The following MYH9 variants were observed in gnomAD, a reference collection of about 807,000 sequenced individuals.
MYH9 encodes myosin heavy chain 9.
In MYH9, 29 loss-of-function variants were observed where a neutral mutation model predicts 241.9. That is an observed-to-expected ratio of 0.12 (90% CI 0.09 to 0.16). MYH9 has a LOEUF of 0.16. Ranked by LOEUF, MYH9 falls within the 10% of genes least tolerant of loss-of-function variation. The probability of loss-of-function intolerance (pLI) is 1.00; values close to 1 mark genes in which losing one functional copy is unlikely to be tolerated. For synonymous variants in MYH9, 1,047 were observed against 1,062.6 expected (o/e 0.99, Z 0.29); for missense variants, 1,803 against 2,595.5 (o/e 0.69, Z 6.63).
intron 1 of MYH9, among the ~76,000 whole-genome samples, chr22:36,386,728 C>A (rs879927594): frequency 2.4e-4 from 36 of 152,192 alleles, no homozygotes; most frequent in Non-Finnish European, 5.1e-4. Flanking sequence ...ACAGGACAGC[C>A]GGCAAGCTAG....
At position 36,301,388 on chromosome 22, in the gene MYH9, G is replaced by A. The variant is rs147240819; in HGVS notation, c.2631+146C>T. ...ACCCAATGGGGTCTGCAGAGAGACT[G>A]GTCACTGTTTACAGTAATAGGAAAC... On this transcript the variant is annotated intron_variant, in intron 21 of 40. Coordinates refer to ENST00000216181, the MANE Select transcript of MYH9 (RefSeq NM_002473.6). The A allele has an allele frequency of 3.2e-5, 34 of 1,076,440 alleles. No individual in the cohort carries two copies. The African/African-American group carries it at 4.6e-4, about 15-fold the overall frequency. The allele number at this position is 1,076,440 out of a possible 1,614,324, so 66.7% of individuals were successfully genotyped here.
At chr22:36,331,257 T>C (rs533468297) in intron 3 of MYH9, among the ~76,000 whole-genome samples, 2 of 152,288 alleles carry the variant, frequency 1.3e-5, no homozygotes, top group East Asian at 3.9e-4. Flanking sequence ...GTGAGGCAGA[T>C]GCCCAGACAT....
chr22:36,305,914 C>T lies in MYH9; in HGVS notation c.2159+16G>A, dbSNP rs1313314736. The T allele has an allele frequency of 1.9e-6, 3 of 1,612,690 alleles. No homozygotes were observed. Among genetic ancestry groups the T allele is most frequent in the Middle Eastern group, 3.3e-4 (2 of 6,048 alleles). On this transcript the variant is annotated intron_variant, in intron 17 of 40. Coordinates refer to ENST00000216181, the MANE Select transcript of MYH9 (RefSeq NM_002473.6). This position sits in a 1 kb window ranked among gnomAD's most constrained non-coding sequence, Gnocchi z 4.7. ...CAGCAGGGCCCAGGAGAAGCGGGCT[C>T]CGGGCCCTGGCTCACCTCTGCCGAA...
intron 1 of MYH9, among the ~76,000 whole-genome samples, chr22:36,360,025 G>A (rs1056233179): frequency 8.9e-5 from 8 of 89,702 alleles, no homozygotes; most frequent in Admixed American, 1.2e-4. Flanking sequence ...TTAGAATGAG[G>A]ACAAACACCA....
At chr22:36,327,548 TC>T in intron 3 of MYH9, 60 bp from the exon 4 acceptor site, 1 of 1,601,968 alleles carries the variant, frequency 6.2e-7, no homozygotes, top group Non-Finnish European at 8.6e-7. Context: ...CCCACCTTGC[TC>T]CCAAAGAGCT....
chr22:36,367,316 G>A (rs754693550), intron 1 of MYH9, among the ~76,000 whole-genome samples: 54 of 152,222 alleles, frequency 3.5e-4, no homozygotes, highest in South Asian at 8.3e-4. Context: ...GGGGTGCCCT[G>A]GACTCCAGGA....
At chr22:36,334,584 G>A (rs554940882) in intron 3 of MYH9, among the ~76,000 whole-genome samples, 4 of 152,282 alleles carry the variant, frequency 2.6e-5, no homozygotes, top group East Asian at 3.9e-4. Context: ...CTGGACTCTC[G>A]GGAGAGTGTT....
chr22:36,314,961 T>C (rs980998233), intron 12 of MYH9, among the ~76,000 whole-genome samples: 2 of 152,180 alleles, frequency 1.3e-5, no homozygotes, highest in African/African-American at 4.8e-5. Context: ...TCTATTTTTT[T>C]ATTGAAGAGA....
intron 18 of MYH9, 146 bp from the exon 19 acceptor site, chr22:36,304,301 C>T: frequency 2.4e-6 from 2 of 831,270 alleles, no homozygotes; most frequent in South Asian, 2.9e-5. Flanking sequence ...CATCTCCTCT[C>T]CCTCCTTCTT....
intron 3 of MYH9, among the ~76,000 whole-genome samples, chr22:36,340,761 C>T (rs2017574046): frequency 6.6e-6 from 1 of 152,010 alleles, no homozygotes; most frequent in Admixed American, 6.6e-5. Context: ...TAGCAACACA[C>T]AGGTCATACA....
At chr22:36,338,774 C>T (rs1293960000) in intron 3 of MYH9, among the ~76,000 whole-genome samples, 1 of 150,446 alleles carries the variant, frequency 6.6e-6, no homozygotes, top group African/African-American at 2.5e-5. Context: ...GAGCCGAGAT[C>T]GTGCCACTGC....
chr22:36,375,955 CTTTTTTTTTT>C (rs751350180), intron 1 of MYH9, among the ~76,000 whole-genome samples: 1 of 89,094 alleles, frequency 1.1e-5, no homozygotes, highest in South Asian at 4.1e-4. Context: ...TCAATAATTT[CTTTTTTTTTT>C]TTTTTTTTTT....
chr22:36,361,714 G>A (rs1014890910), intron 1 of MYH9, among the ~76,000 whole-genome samples: 1 of 152,190 alleles, frequency 6.6e-6, no homozygotes, highest in Admixed American at 6.5e-5. Context: ...AGCCATTTAG[G>A]AATGTGGACT....
At chr22:36,292,764 C>T (rs1038901749) in intron 30 of MYH9, among the ~76,000 whole-genome samples, 4 of 152,236 alleles carry the variant, frequency 2.6e-5, no homozygotes, top group African/African-American at 9.6e-5. Context: ...GGCTACGGAC[C>T]CCTTCGCAGT....
At chr22:36,319,708 T>A in intron 9 of MYH9, 73 bp from the exon 10 acceptor site, 1 of 1,434,950 alleles carries the variant, frequency 7.0e-7, no homozygotes, top group East Asian at 2.4e-5. Context: ...GGGCCACTCA[T>A]CTAGGGATCC....
Position 36,384,624 on chromosome 22 carries a change from A to G in MYH9, c.-20+3183T>C, listed in dbSNP as rs1353937290. On this transcript the variant is annotated intron_variant, in intron 1 of 40. Coordinates refer to ENST00000216181, the MANE Select transcript of MYH9 (RefSeq NM_002473.6). ...AAAAAAAAAAAAAATATATATATAT[A>G]TATATATATATATATATATATATAT... 6.1e-4 allele frequency among the ~76,000 whole-genome samples: 28 copies of G among 45,688 alleles called. 1 individual carries two copies. Among genetic ancestry groups the G allele is most frequent in the African/African-American group, 1.6e-3 (28 of 17,274 alleles). 30.0% of individuals were successfully genotyped at this position (45,688 alleles called of 152,430 possible). A position where few individuals can be genotyped will look rare whatever the true frequency, so the allele number is the denominator to read the frequency against.
chr22:36,287,472 A>C (rs2016605445), intron 34 of MYH9, among the ~76,000 whole-genome samples: 2 of 151,750 alleles, frequency 1.3e-5, no homozygotes, highest in Non-Finnish European at 2.9e-5. Context: ...GGCCGGGCGC[A>C]GTGGCTCATG....
At chr22:36,287,766 G>C (rs1170421640) in intron 34 of MYH9, among the ~76,000 whole-genome samples, 2 of 152,224 alleles carry the variant, frequency 1.3e-5, no homozygotes, top group African/African-American at 4.8e-5. Flanking sequence ...AAAAAAATTT[G>C]TTAAACTAAG....
At chr22:36,324,826 C>T (rs1473317068) in intron 5 of MYH9, among the ~76,000 whole-genome samples, 3 of 152,224 alleles carry the variant, frequency 2.0e-5, no homozygotes, top group Non-Finnish European at 4.4e-5. Flanking sequence ...CCAAAGTCTG[C>T]GTTTTGACAA....
Sources: gnomAD v4.1 joint callset for allele counts (sites outside exome capture counted in the v4.1 genomes callset) on GRCh38, gnomAD v4.1.1 for gene constraint, Gnocchi (gnomAD v3.1) non-coding constraint, MANE v1.5 for transcripts, NCBI Gene and HGNC (gene_info 2026-07-23, HGNC 2026-07-21) for gene names.